The following ERP44 variants were observed in gnomAD, a reference collection of about 807,000 sequenced individuals.
ERP44 encodes the protein endoplasmic reticulum protein 44.
In ERP44, 25 loss-of-function variants were observed where a neutral mutation model predicts 53.4. The ratio of observed to expected loss-of-function variants is 0.47; its 90% confidence interval spans 0.34 to 0.65. ERP44 has a LOEUF of 0.65. ERP44 is among the 30% of genes least tolerant of loss of function. The pLI is 0.01. For missense variants in ERP44, 338 were observed against 493.2 expected (o/e 0.69, Z 2.98); for synonymous variants, 145 against 161.2 (o/e 0.90, Z 0.76).
Position 100,022,134 on chromosome 9 carries a change from G to T in ERP44, c.379C>A (p.Arg127=). The T allele has an allele frequency of 6.2e-7, 1 of 1,613,692 alleles. No individual in the cohort carries two copies. The highest frequency in any genetic ancestry group is 8.5e-7 in the Non-Finnish European group (1 of 1,179,762). Residue 127 remains arginine, a synonymous_variant, in exon 5 of 12, where the codon CGA becomes AGA. Transcript: ENST00000262455. ...TAATCTGCCAATGCTTTCACTGATCGCTGACCCCTGTATTCTCTCTTCATC... is the reference window on the plus strand; with the variant it reads ...TAATCTGCCAATGCTTTCACTGATCTCTGACCCCTGTATTCTCTCTTCATC... ...MMMKREYRGQ[R]SVKALADYIR... is the part of the protein sequence containing the mutation.
At chr9:100,014,617 A>G (rs565191990) in intron 8 of ERP44, among the ~76,000 whole-genome samples, 9 of 152,184 alleles carry the variant, frequency 5.9e-5, no homozygotes, top group Non-Finnish European at 1.3e-4. Context: ...AATAATTGGG[A>G]AAAAAATTTA....
intron 4 of ERP44, among the ~76,000 whole-genome samples, chr9:100,023,935 A>G (rs1830624162): frequency 6.6e-6 from 1 of 152,136 alleles, no homozygotes; most frequent in South Asian, 2.1e-4. Context: ...CGGGTGGATC[A>G]CTTGAGGTCA....
intron 4 of ERP44, among the ~76,000 whole-genome samples, chr9:100,035,739 G>A (rs1381977685): frequency 1.3e-5 from 2 of 151,952 alleles, no homozygotes; most frequent in Admixed American, 6.6e-5. Flanking sequence ...GACAAAGGAT[G>A]TGAACAGACA....
intron 11 of ERP44, among the ~76,000 whole-genome samples, chr9:99,984,143 A>G (rs1412412488): frequency 6.6e-6 from 1 of 152,202 alleles, no homozygotes; most frequent in South Asian, 2.1e-4. Context: ...CTTGCCTCTG[A>G]ACCTAATCTC....
At chr9:100,046,677 A>T (rs1825973546) in intron 4 of ERP44, among the ~76,000 whole-genome samples, 1 of 152,208 alleles carries the variant, frequency 6.6e-6, no homozygotes, top group South Asian at 2.1e-4. Context: ...CAGTATCATT[A>T]AAATAACAAT....
intron 1 of ERP44, among the ~76,000 whole-genome samples, chr9:100,069,308 C>T (rs1462857942): frequency 7.0e-6 from 1 of 142,646 alleles, no homozygotes; most frequent in African/African-American, 2.5e-5. Flanking sequence ...AAGAAAAAAA[C>T]CAAACCAACC....
chr9:100,068,007 C>A (rs1251934533), intron 1 of ERP44, among the ~76,000 whole-genome samples: 4 of 151,368 alleles, frequency 2.6e-5, no homozygotes, highest in African/African-American at 9.7e-5. Flanking sequence ...GCCAGGCCAG[C>A]CGCCCCGTCC....
At chr9:100,059,844 C>G (rs1367327516) in intron 2 of ERP44, among the ~76,000 whole-genome samples, 1 of 152,124 alleles carries the variant, frequency 6.6e-6, no homozygotes, top group Admixed American at 6.5e-5. Context: ...ACAGTGAGAA[C>G]TATTGGTCTC....
At chr9:100,041,291 G>A (rs947838691) in intron 4 of ERP44, among the ~76,000 whole-genome samples, 8 of 110,182 alleles carry the variant, frequency 7.3e-5, no homozygotes, top group South Asian at 3.5e-4. Context: ...AAGTAATTGC[G>A]GTTTTTTGCC....
At chr9:100,066,506 C>T (rs1263535322) in intron 1 of ERP44, among the ~76,000 whole-genome samples, 1 of 152,180 alleles carries the variant, frequency 6.6e-6, no homozygotes, top group East Asian at 1.9e-4. Flanking sequence ...TGTATTTTTG[C>T]TAAATCTTTC....
At chr9:100,067,195 A>C (rs574614536) in intron 1 of ERP44, among the ~76,000 whole-genome samples, 1 of 151,356 alleles carries the variant, frequency 6.6e-6, no homozygotes, top group East Asian at 1.9e-4. Context: ...CCCTCTCCCC[A>C]CGGTCTCCCT....
At position 99,980,242 on chromosome 9, in the gene ERP44, G is replaced by A. The variant is rs1830134617; in HGVS notation, c.*2370C>T. 5.1e-6 allele frequency: 2 copies of A among 394,452 alleles called. No individual in the cohort carries two copies. The highest frequency in any genetic ancestry group is 8.9e-6 in the Non-Finnish European group (2 of 223,952). The allele number at this position is 394,452 out of a possible 1,614,324, so 24.4% of individuals were successfully genotyped here. On this transcript the variant is annotated 3_prime_UTR_variant, in exon 12 of 12. Transcript: ENST00000262455. ...GTTTACATATCCATATGCCTGACTA[G>A]GCTGTGAACAACTCTAGGGCAGAAA...
intron 10 of ERP44, among the ~76,000 whole-genome samples, chr9:99,993,235 G>A (rs1319563588): frequency 8.5e-5 from 13 of 152,224 alleles, no homozygotes; most frequent in Non-Finnish European, 2.9e-5. Context: ...GAAAGCTGGA[G>A]GCATCACGCT....
At chr9:100,025,655 T>C (rs1830643287) in intron 4 of ERP44, among the ~76,000 whole-genome samples, 1 of 152,186 alleles carries the variant, frequency 6.6e-6, no homozygotes, top group Non-Finnish European at 1.5e-5. Flanking sequence ...TGACTTGTGA[T>C]ATACTAAAAG....
chr9:99,999,026 G>T, intron 10 of ERP44: 1 of 934,738 alleles, frequency 1.1e-6, no homozygotes, highest in Non-Finnish European at 1.7e-6. Context: ...AGCGGGCGCA[G>T]CTGCTCCTTG....
In ERP44 at chr9:100,098,886, C is replaced by A. The variant is rs760817784; in HGVS notation, c.-46G>T. ...CAGGGACAGGCGCTGGCGGCTGGGA[C>A]TGGGCTAGGTTGGGTTGGGTTAGGA... On this transcript the variant is annotated 5_prime_UTR_variant, in exon 1 of 12. Coordinates refer to ENST00000262455, the MANE Select transcript of ERP44 (RefSeq NM_015051.3). 3 of 1,564,580 alleles carry A rather than the reference C, an allele frequency of 1.9e-6. No individual in the cohort carries two copies. Among genetic ancestry groups the A allele is most frequent in the Non-Finnish European group, 2.6e-6 (3 of 1,136,154 alleles).
At chr9:100,061,663 G>A (rs562361605) in intron 1 of ERP44, among the ~76,000 whole-genome samples, 2 of 149,078 alleles carry the variant, frequency 1.3e-5, no homozygotes, top group East Asian at 3.9e-4. Context: ...AAGGCCTAAG[G>A]ATAACACTGT....
chr9:100,058,297 G>C (rs145394618), intron 2 of ERP44, among the ~76,000 whole-genome samples: 1 of 152,024 alleles, frequency 6.6e-6, no homozygotes, highest in Non-Finnish European at 1.5e-5. Context: ...GGCTGGTCTC[G>C]AACTCCTGGC....
intron 2 of ERP44, among the ~76,000 whole-genome samples, chr9:100,058,772 C>A (rs1318849891): frequency 6.6e-6 from 1 of 152,172 alleles, no homozygotes; most frequent in African/African-American, 2.4e-5. Context: ...AACGTAAAGT[C>A]CTCAAGCACT....
Sources: gnomAD v4.1 joint callset for allele counts (sites outside exome capture counted in the v4.1 genomes callset) on GRCh38, gnomAD v4.1.1 for gene constraint, MANE v1.5 for transcripts, NCBI Gene and HGNC (gene_info 2026-07-23, HGNC 2026-07-21) for gene names.